Variants in RP1 observed in about 807,000 individuals in gnomAD.
RP1 encodes RP1 axonemal microtubule associated, also known as oxygen-regulated protein 1.
RP1 carries 16 observed loss-of-function variants against 14.8 expected under a neutral mutation model. The observed-to-expected ratio is 1.08, with a 90% CI of 0.73 to 1.65. The LOEUF (loss-of-function observed/expected upper bound fraction) is 1.65, where lower values mean the gene tolerates loss of function less well. Ranked by LOEUF, RP1 falls within the 40% of genes most tolerant of loss-of-function variation. The pLI, the probability that RP1 is intolerant of heterozygous loss-of-function variation, is 0.00. For missense variants in RP1, 2,631 were observed against 2,535.0 expected, an observed-to-expected ratio of 1.04 and a Z score of -0.81; for synonymous variants, 876 against 883.6, an observed-to-expected ratio of 0.99 and a Z score of 0.15.
chr8:54,851,928 G>T (rs1563396321), intron 25 of RP1, among the ~76,000 whole-genome samples: 1 of 152,138 alleles, frequency 6.6e-6, no homozygotes, highest in Admixed American at 6.5e-5. Flanking sequence ...AGTACTCATT[G>T]TATCCCAGAT....
intron 7 of RP1, among the ~76,000 whole-genome samples, chr8:54,664,822 A>G (rs984363645): frequency 1.1e-4 from 16 of 152,134 alleles, no homozygotes; most frequent in Non-Finnish European, 1.9e-4. Flanking sequence ...GAGAGCAACA[A>G]TAGACACTAG....
At chr8:54,719,683 TC>T (rs891785544) in intron 15 of RP1, among the ~76,000 whole-genome samples, 4 of 152,204 alleles carry the variant, frequency 2.6e-5, no homozygotes, top group Non-Finnish European at 5.9e-5. Context: ...TTATGAAAAT[TC>T]AATCTGGAAA....
intron 24 of RP1, among the ~76,000 whole-genome samples, chr8:54,820,693 C>T (rs905555307): frequency 3.3e-5 from 5 of 152,188 alleles, no homozygotes; most frequent in Non-Finnish European, 5.9e-5. Context: ...TTTCGGCCAT[C>T]TTCAGTGTCC....
At chr8:54,569,307 G>C (rs1299148075) in intron 1 of RP1, among the ~76,000 whole-genome samples, 1 of 152,198 alleles carries the variant, frequency 6.6e-6, no homozygotes, top group Non-Finnish European at 1.5e-5. Flanking sequence ...CAAGGGAAAG[G>C]CTTTCTCAAT....
At chr8:54,755,980 T>C (rs939891032) in intron 21 of RP1, among the ~76,000 whole-genome samples, 2 of 151,828 alleles carry the variant, frequency 1.3e-5, no homozygotes, top group Non-Finnish European at 2.9e-5. Context: ...CAGTATATAA[T>C]AGAACAAAGA....
intron 24 of RP1, among the ~76,000 whole-genome samples, chr8:54,805,255 G>A (rs116332417): frequency 0.029 from 4,365 of 152,176 alleles, 121 homozygotes; most frequent in African/African-American, 0.064. Context: ...ATGCTTATTT[G>A]CTAGTTATAT....
chr8:54,853,671 G>A (rs555726846), intron 26 of RP1, among the ~76,000 whole-genome samples: 1 of 151,412 alleles, frequency 6.6e-6, no homozygotes, highest in South Asian at 2.1e-4. Context: ...ACTTACATGG[G>A]AAGCTGAGGT....
intron 12 of RP1, among the ~76,000 whole-genome samples, chr8:54,690,663 T>C (rs1412942624): frequency 1.3e-5 from 2 of 152,030 alleles, no homozygotes; most frequent in African/African-American, 4.8e-5. Flanking sequence ...TTTTCTGGGA[T>C]GTATACTGTA....
At chr8:54,654,856 T>C (rs1311309707) in intron 5 of RP1, among the ~76,000 whole-genome samples, 1 of 152,146 alleles carries the variant, frequency 6.6e-6, no homozygotes, top group African/African-American at 2.4e-5. Flanking sequence ...CATGTTGCCC[T>C]GGTTGGTCTC....
chr8:54,819,320 T>C (rs1811203399), intron 24 of RP1, among the ~76,000 whole-genome samples: 1 of 152,020 alleles, frequency 6.6e-6, no homozygotes, highest in African/African-American at 2.4e-5. Flanking sequence ...TTTTATTATT[T>C]CAATATCTTT....
chr8:54,848,270 C>G (rs1585744324), intron 25 of RP1, among the ~76,000 whole-genome samples: 1 of 152,184 alleles, frequency 6.6e-6, no homozygotes, highest in African/African-American at 2.4e-5. Context: ...CTGCACTCTC[C>G]TCTGAGCCCC....
In RP1 at chr8:54,797,254, T is replaced by C. The variant is rs1019662082; in HGVS notation, c.3615+13544T>C. 3.3e-5 allele frequency among the ~76,000 whole-genome samples: 5 copies of C among 152,116 alleles called. No individual in the cohort carries two copies. In the East Asian group the frequency reaches 9.6e-4, roughly 29 times the overall value. On this transcript the variant is annotated intron_variant, in intron 24 of 28. Transcript: ENST00000637698. ...GCTACCAAAAATGCAGTTGGAAGAA[T>C]AGGTTTTATAGAGGAGGACGGCACC...
exon 4 of RP1, chr8:54,649,128 G>A (rs1470122847): frequency 6.7e-7 from 1 of 1,500,962 alleles, no homozygotes; most frequent in East Asian, 2.5e-5. Flanking sequence ...ATTTCAGGTT[G>A]GCCATGAAGA....
At chr8:54,692,717 G>T (rs549003747) in intron 12 of RP1, among the ~76,000 whole-genome samples, 76 of 147,128 alleles carry the variant, frequency 5.2e-4, no homozygotes, top group African/African-American at 1.5e-3. Flanking sequence ...CTGGATATTA[G>T]CCCTTTGTCA....
At chr8:54,809,062 T>C (rs948069725) in intron 24 of RP1, among the ~76,000 whole-genome samples, 7 of 152,378 alleles carry the variant, frequency 4.6e-5, no homozygotes, top group African/African-American at 1.7e-4. Context: ...ATAATTTCAC[T>C]TGGCACTTCA....
chr8:54,817,791 A>G (rs1231902896), intron 24 of RP1, among the ~76,000 whole-genome samples: 1 of 152,228 alleles, frequency 6.6e-6, no homozygotes, highest in Non-Finnish European at 1.5e-5. Flanking sequence ...TATGATGTAC[A>G]TAAAATAAAA....
At chr8:54,732,429 T>C (rs1237410077) in intron 17 of RP1, among the ~76,000 whole-genome samples, 1 of 152,182 alleles carries the variant, frequency 6.6e-6, no homozygotes, top group Non-Finnish European at 1.5e-5. Context: ...AGGGTGAGAC[T>C]CTCATTAGTT....
intron 24 of RP1, among the ~76,000 whole-genome samples, chr8:54,812,762 C>CATCT (rs58007600): frequency 0.3 from 43,502 of 145,092 alleles, 6,469 homozygotes; most frequent in East Asian, 0.42. Context: ...ATCTATCTAT[C>CATCT]ATCTATCTAT....
At chr8:54,570,636 C>CT (rs36050577) in intron 1 of RP1, among the ~76,000 whole-genome samples, 77,228 of 145,174 alleles carry the variant, frequency 0.53, 22,018 homozygotes, top group Non-Finnish European at 0.66. Context: ...CCTAGGTAAA[C>CT]TTTTTTTTTT....
Sources: allele counts gnomAD v4.1 joint callset (sites outside exome capture counted in the v4.1 genomes callset), GRCh38; gene constraint gnomAD v4.1.1; transcripts MANE v1.5; gene names NCBI Gene and HGNC (gene_info 2026-07-23, HGNC 2026-07-21).